PXDNL: variants seen among roughly 807,000 people sequenced by gnomAD.
PXDNL encodes the protein peroxidasin like.
Under a neutral mutation model 150.8 loss-of-function variants are expected in PXDNL, and 145 were observed. The observed-to-expected ratio is 0.96, with a 90% CI of 0.84 to 1.10. The LOEUF (loss-of-function observed/expected upper bound fraction) is 1.10. Ranked by LOEUF, PXDNL falls within the 50% of genes least tolerant of loss-of-function variation. PXDNL has a pLI of 0.00. For missense variants in PXDNL, 2,087 were observed against 1,873.9 expected (o/e 1.11, Z -2.10); for synonymous variants, 757 against 725.7 (o/e 1.04, Z -0.69).
chr8:51,554,432 T>C (rs1812559843), intron 4 of PXDNL, among the ~76,000 whole-genome samples: 1 of 152,238 alleles, frequency 6.6e-6, no homozygotes, highest in Non-Finnish European at 1.5e-5. Context: ...AAAGGATCAA[T>C]TGGCTGCACC....
In PXDNL at chr8:51,376,560, ATC is replaced by A. The variant is rs752743810; in HGVS notation, c.3558-1831_3558-1830del. Among the ~76,000 whole-genome samples, 7 of 151,324 alleles carry A rather than the reference ATC, an allele frequency of 4.6e-5. No individual in the cohort carries two copies. In the East Asian group the frequency reaches 5.8e-4, roughly 13 times the overall value. On this transcript the variant is annotated intron_variant, in intron 17 of 22. Coordinates refer to ENST00000356297, the MANE Select transcript of PXDNL (RefSeq NM_144651.5). ...TGTTACATAGCTTTATTTGAAATAC[ATC>A]TCTCTCTCTCTCTTAATTCCTATGC...
chr8:51,559,330 ACCCC>A (rs59230172), intron 3 of PXDNL, among the ~76,000 whole-genome samples: 8 of 98,064 alleles, frequency 8.2e-5, no homozygotes, highest in South Asian at 4.6e-4. Context: ...TTTCTTCCAA[ACCCC>A]CCCCCCCCCC....
chr8:51,795,861 G>A (rs2037555086), intron 1 of PXDNL, among the ~76,000 whole-genome samples: 1 of 152,174 alleles, frequency 6.6e-6, no homozygotes, highest in South Asian at 2.1e-4. Context: ...AATTGACAAA[G>A]GTCATGACTA....
intron 3 of PXDNL, among the ~76,000 whole-genome samples, chr8:51,569,206 G>T (rs1386266495): frequency 6.6e-6 from 1 of 151,752 alleles, no homozygotes; most frequent in African/African-American, 2.4e-5. Flanking sequence ...AGGAACTGAG[G>T]TAAATAATTT....
intron 2 of PXDNL, among the ~76,000 whole-genome samples, chr8:51,648,649 A>C (rs1814973572): frequency 6.6e-6 from 1 of 152,192 alleles, no homozygotes; most frequent in Non-Finnish European, 1.5e-5. Context: ...CTAGAAAATT[A>C]ATATAACTTC....
chr8:51,643,812 G>T (rs1054542372), intron 2 of PXDNL, among the ~76,000 whole-genome samples: 1 of 152,054 alleles, frequency 6.6e-6, no homozygotes, highest in East Asian at 1.9e-4. Context: ...GGGGCTAATA[G>T]CCAGAATCTA....
At chr8:51,378,677 C>G (rs530263533) in intron 17 of PXDNL, among the ~76,000 whole-genome samples, 10 of 152,182 alleles carry the variant, frequency 6.6e-5, no homozygotes, top group African/African-American at 2.2e-4. Flanking sequence ...CTGTGAAGAT[C>G]TGCAACTTCA....
chr8:51,714,789 C>A (rs1213358420), intron 1 of PXDNL, among the ~76,000 whole-genome samples: 1 of 152,164 alleles, frequency 6.6e-6, no homozygotes, highest in African/African-American at 2.4e-5. Context: ...ATTCAGACAC[C>A]TTTTTGCTTT....
chr8:51,358,832 CA>C (rs1806612657), intron 19 of PXDNL, among the ~76,000 whole-genome samples: 1 of 152,186 alleles, frequency 6.6e-6, no homozygotes, highest in African/African-American at 2.4e-5. Context: ...CTTGAGAGGA[CA>C]GGGGAACCCT....
At chr8:51,669,580 T>C (rs1310291160) in intron 1 of PXDNL, among the ~76,000 whole-genome samples, 2 of 152,196 alleles carry the variant, frequency 1.3e-5, no homozygotes, top group Non-Finnish European at 2.9e-5. Flanking sequence ...GGGTTTCATA[T>C]GGGCTGTAGA....
At chr8:51,446,936 C>A in intron 12 of PXDNL, 68 bp downstream of exon 12, 1 of 1,373,702 alleles carries the variant, frequency 7.3e-7, no homozygotes, top group South Asian at 1.2e-5. Context: ...AGATCCCTGT[C>A]AGGTGTGTTA....
intron 7 of PXDNL, among the ~76,000 whole-genome samples, chr8:51,474,135 G>C (rs1188803636): frequency 6.6e-6 from 1 of 152,070 alleles, no homozygotes; most frequent in African/African-American, 2.4e-5. Context: ...TACTTGTTTA[G>C]AGAAATTCAA....
chr8:51,565,321 A>AATAG (rs367721031), intron 3 of PXDNL, among the ~76,000 whole-genome samples: 7,556 of 135,130 alleles, frequency 0.056, 315 homozygotes, highest in East Asian at 0.13. Flanking sequence ...TAAATAAATA[A>AATAG]ATAGATAGAT....
intron 3 of PXDNL, among the ~76,000 whole-genome samples, chr8:51,557,534 A>G (rs1812624315): frequency 6.6e-6 from 1 of 152,066 alleles, no homozygotes; most frequent in African/African-American, 2.4e-5. Flanking sequence ...TCTTCTCCAC[A>G]CTCTTTGTTA....
chr8:51,383,368 G>A (rs761614352), intron 17 of PXDNL, among the ~76,000 whole-genome samples: 3 of 152,114 alleles, frequency 2.0e-5, no homozygotes, highest in South Asian at 2.1e-4. Flanking sequence ...AATACAAAGC[G>A]GCATGGTTTT....
At chr8:51,402,078 C>T (rs564982515) in intron 17 of PXDNL, among the ~76,000 whole-genome samples, 3 of 152,056 alleles carry the variant, frequency 2.0e-5, no homozygotes, top group Non-Finnish European at 2.9e-5. Context: ...AGGAATCATG[C>T]GGTTTGATCT....
intron 21 of PXDNL, among the ~76,000 whole-genome samples, chr8:51,337,985 C>A (rs1805879209): frequency 1.3e-5 from 2 of 151,790 alleles, no homozygotes; most frequent in African/African-American, 4.8e-5. Flanking sequence ...TTGAAACCAG[C>A]CTGGCCAACA....
intron 21 of PXDNL, among the ~76,000 whole-genome samples, chr8:51,332,528 C>A (rs1339166687): frequency 6.6e-6 from 1 of 151,112 alleles, no homozygotes; most frequent in Non-Finnish European, 1.5e-5. Flanking sequence ...TTAAGCTAAT[C>A]AGAGAGGGAC....
chr8:51,702,653 C>T (rs1239062589), intron 1 of PXDNL, among the ~76,000 whole-genome samples: 1 of 152,162 alleles, frequency 6.6e-6, no homozygotes, highest in Admixed American at 6.5e-5. Context: ...CCATCTATCA[C>T]ATGGATGTAA....
Sources: gnomAD v4.1 joint callset for allele counts (sites outside exome capture counted in the v4.1 genomes callset) on GRCh38, gnomAD v4.1.1 for gene constraint, MANE v1.5 for transcripts, NCBI Gene and HGNC (gene_info 2026-07-23, HGNC 2026-07-21) for gene names.